Variants in DLG2 observed in about 807,000 individuals in gnomAD.
The protein encoded by DLG2 is disks large homolog 2.
DLG2 carries 45 observed loss-of-function variants against 132.5 expected under a neutral mutation model. The observed-to-expected ratio is 0.34, with a 90% CI of 0.27 to 0.44. The LOEUF (loss-of-function observed/expected upper bound fraction) is 0.44, where lower values mean the gene tolerates loss of function less well. Among genes scored for constraint, DLG2 ranks in the 20% least tolerant of loss-of-function variants. The pLI is 1.00. For missense variants in DLG2, 1,045 were observed against 1,196.9 expected (o/e 0.87, Z 1.87); for synonymous variants, 424 against 419.6 (o/e 1.01, Z -0.13).
chr11:85,319,524 T>C (rs769726325), intron 3 of DLG2, among the ~76,000 whole-genome samples: 3 of 151,856 alleles, frequency 2.0e-5, no homozygotes. Flanking sequence ...AACACTATCC[T>C]CTATATCTTG....
chr11:83,500,107 C>T (rs932231838), intron 21 of DLG2, among the ~76,000 whole-genome samples: 4 of 151,818 alleles, frequency 2.6e-5, no homozygotes, highest in East Asian at 3.9e-4. Context: ...CATGCCCCTT[C>T]GGTACTTTGC....
At chr11:85,241,377 AT>A (rs946636860) in intron 4 of DLG2, among the ~76,000 whole-genome samples, 4 of 151,738 alleles carry the variant, frequency 2.6e-5, no homozygotes, top group Non-Finnish European at 5.9e-5. Context: ...TTGACTTTTA[AT>A]TTCTTTTTTC....
intron 6 of DLG2, among the ~76,000 whole-genome samples, chr11:84,823,952 T>TTAC (rs1160844088): frequency 6.6e-6 from 1 of 151,924 alleles, no homozygotes; most frequent in Non-Finnish European, 1.5e-5. Context: ...GATTGAGTGA[T>TTAC]TACTATGTTC....
At chr11:84,338,283 G>A (rs1241589531) in intron 7 of DLG2, among the ~76,000 whole-genome samples, 1 of 151,822 alleles carries the variant, frequency 6.6e-6, no homozygotes, top group Admixed American at 6.6e-5. Context: ...CCAACCCCAA[G>A]CCTATTTCCT....
intron 7 of DLG2, among the ~76,000 whole-genome samples, chr11:84,331,458 AAAAT>A (rs1555509073): frequency 1.4e-5 from 2 of 139,128 alleles, no homozygotes; most frequent in African/African-American, 2.6e-5. Flanking sequence ...AAAAAAAAAA[AAAAT>A]AAATAAATAA....
intron 7 of DLG2, among the ~76,000 whole-genome samples, chr11:84,357,367 T>C (rs868222452): frequency 9.9e-5 from 15 of 152,184 alleles, no homozygotes; most frequent in Middle Eastern, 3.4e-3. Context: ...TCCAAGTCCA[T>C]GTATGTCTTC....
At chr11:85,209,890 A>C (rs1219562383) in intron 4 of DLG2, among the ~76,000 whole-genome samples, 2 of 152,104 alleles carry the variant, frequency 1.3e-5, no homozygotes, top group Non-Finnish European at 2.9e-5. Context: ...CACACCAAGC[A>C]GACTCCTGCC....
intron 6 of DLG2, among the ~76,000 whole-genome samples, chr11:84,868,424 T>C (rs878926522): frequency 1.1e-4 from 17 of 152,266 alleles, no homozygotes; most frequent in Non-Finnish European, 2.5e-4. Flanking sequence ...AAGTAAGAGA[T>C]AGTTCCAAAA....
chr11:85,386,120 G>A (rs922075183), intron 3 of DLG2, among the ~76,000 whole-genome samples: 1 of 152,138 alleles, frequency 6.6e-6, no homozygotes, highest in Non-Finnish European at 1.5e-5. Context: ...TGTCTTGGAG[G>A]AAATATGAAA....
At chr11:84,850,296 G>A (rs2082022458) in intron 6 of DLG2, among the ~76,000 whole-genome samples, 1 of 152,136 alleles carries the variant, frequency 6.6e-6, no homozygotes, top group South Asian at 2.1e-4. Context: ...GTTGAACAGA[G>A]AGAAGTCTGA....
At position 84,089,192 on chromosome 11, in the gene DLG2, T is replaced by C. The variant is rs144041251; in HGVS notation, c.749+9731A>G. Among the ~76,000 whole-genome samples, 9 of 152,284 alleles carry C rather than the reference T, an allele frequency of 5.9e-5. No individual in the cohort carries two copies. In the East Asian group the frequency reaches 1.7e-3, roughly 29 times the overall value. On this transcript the variant is annotated intron_variant, in intron 10 of 27. Transcript: ENST00000376104. ...AGAAATCTTTCATTTTCTTAAACAATTGGTAAGTGGGTCTTGGGAATAAGT... is the reference window on the plus strand; with the variant it reads ...AGAAATCTTTCATTTTCTTAAACAACTGGTAAGTGGGTCTTGGGAATAAGT...
chr11:84,362,834 T>G (rs906697411), intron 7 of DLG2, among the ~76,000 whole-genome samples: 3 of 152,188 alleles, frequency 2.0e-5, no homozygotes, highest in Non-Finnish European at 4.4e-5. Context: ...ACAAAGGACA[T>G]GAACTCATCA....
At chr11:84,712,097 GA>G (rs1033113741) in intron 6 of DLG2, among the ~76,000 whole-genome samples, 1 of 152,004 alleles carries the variant, frequency 6.6e-6, no homozygotes, top group Non-Finnish European at 1.5e-5. Flanking sequence ...AAGATACTGG[GA>G]ATGATTTCAC....
At chr11:85,273,355 T>C (rs1243235242) in intron 4 of DLG2, among the ~76,000 whole-genome samples, 2 of 152,108 alleles carry the variant, frequency 1.3e-5, no homozygotes, top group African/African-American at 2.4e-5. Context: ...AATCTACCCA[T>C]CTGACAAAGG....
intron 6 of DLG2, among the ~76,000 whole-genome samples, chr11:84,734,452 G>C (rs1278767742): frequency 6.6e-6 from 1 of 152,106 alleles, no homozygotes; most frequent in Non-Finnish European, 1.5e-5. Flanking sequence ...TGTTATTGGT[G>C]TATAAGAATG....
intron 7 of DLG2, among the ~76,000 whole-genome samples, chr11:84,393,835 T>C (rs2098801521): frequency 6.6e-6 from 1 of 152,200 alleles, no homozygotes; most frequent in Admixed American, 6.6e-5. Context: ...TTCTTATTAA[T>C]GTATACACAT....
At chr11:85,140,545 A>G (rs1182561795) in intron 5 of DLG2, among the ~76,000 whole-genome samples, 2 of 151,638 alleles carry the variant, frequency 1.3e-5, no homozygotes, top group African/African-American at 4.8e-5. Context: ...TGGGATATCC[A>G]TCACCTCAGG....
chr11:83,634,785 TA>T (rs1463427721), intron 18 of DLG2, among the ~76,000 whole-genome samples: 1 of 152,112 alleles, frequency 6.6e-6, no homozygotes, highest in African/African-American at 2.4e-5. Flanking sequence ...TTTTCAGCAA[TA>T]AATAGATAAC....
intron 18 of DLG2, among the ~76,000 whole-genome samples, chr11:83,688,268 T>C (rs539697998): frequency 6.6e-6 from 1 of 152,336 alleles, no homozygotes; most frequent in Admixed American, 6.5e-5. Context: ...GATTTCCTAG[T>C]TTTCAGTAAA....
Sources: allele counts gnomAD v4.1 joint callset (sites outside exome capture counted in the v4.1 genomes callset), GRCh38; gene constraint gnomAD v4.1.1; transcripts MANE v1.5; gene names NCBI Gene and HGNC (gene_info 2026-07-23, HGNC 2026-07-21).